Variants in CAMTA1 observed in about 807,000 individuals in gnomAD.
CAMTA1 encodes the protein calmodulin-binding transcription activator 1.
Under a neutral mutation model 170.9 loss-of-function variants are expected in CAMTA1, and 27 were observed. The observed-to-expected ratio is 0.16, with a 90% CI of 0.12 to 0.22. CAMTA1 has a LOEUF of 0.22. CAMTA1 is among the 10% of genes least tolerant of loss of function. The probability of loss-of-function intolerance (pLI) is 1.00; values close to 1 mark genes in which losing one functional copy is unlikely to be tolerated. For synonymous variants in CAMTA1, 833 were observed against 891.5 expected, an observed-to-expected ratio of 0.93 and a Z score of 1.17; for missense variants, 1,619 against 2,217.2, an observed-to-expected ratio of 0.73 and a Z score of 5.42.
At chr1:7,513,938 C>CACACACACAT (rs2094241746) in intron 6 of CAMTA1, among the ~76,000 whole-genome samples, 1 of 76,914 alleles carries the variant, frequency 1.3e-5, no homozygotes. Context: ...CACATACACA[C>CACACACACAT]ACACACACAT....
At chr1:7,080,629 G>A (rs1639877797) in intron 3 of CAMTA1, among the ~76,000 whole-genome samples, 1 of 152,098 alleles carries the variant, frequency 6.6e-6, no homozygotes, top group Admixed American at 6.5e-5. Context: ...CTGCCTTCCA[G>A]GTTCAAGCGA....
rs2095770395 is a variant in CAMTA1 at position 7,642,430 on chromosome 1, G to A, written c.664+1877G>A. On this transcript the variant is annotated intron_variant, in intron 7 of 22. Coordinates refer to ENST00000303635, the MANE Select transcript of CAMTA1 (RefSeq NM_015215.4). The surrounding 1 kb of genome is among the most constrained non-coding windows in gnomAD (Gnocchi z 6.3). ...GCTGCTGAGTGGCACTTTCCCAAGG[G>A]CAGGCCAGAGGCTAGGAGTCTGGGG... Among the ~76,000 whole-genome samples, 1 of 152,176 alleles carries A rather than the reference G, an allele frequency of 6.6e-6. No individual in the cohort carries two copies. Among genetic ancestry groups the A allele is most frequent in the South Asian group, 2.1e-4 (1 of 4,830 alleles).
At chr1:7,170,663 C>T (rs562459845) in intron 4 of CAMTA1, among the ~76,000 whole-genome samples, 5 of 152,204 alleles carry the variant, frequency 3.3e-5, no homozygotes, top group African/African-American at 7.2e-5. Flanking sequence ...TATATGGCTG[C>T]GTAGTATTCC....
At chr1:7,263,088 A>T (rs1486696254) in intron 5 of CAMTA1, among the ~76,000 whole-genome samples, 1 of 149,074 alleles carries the variant, frequency 6.7e-6, no homozygotes, top group Non-Finnish European at 1.5e-5. Context: ...TTTTGGCCGC[A>T]TTTTTTTTTT....
At chr1:7,045,522 A>G (rs978307200) in intron 3 of CAMTA1, among the ~76,000 whole-genome samples, 3 of 152,196 alleles carry the variant, frequency 2.0e-5, no homozygotes, top group Admixed American at 2.0e-4. Context: ...TAAACTTTAT[A>G]TATATCTACA....
chr1:7,030,766 G>T lies in CAMTA1; in HGVS notation c.235-60538G>T, dbSNP rs992562072. Among the ~76,000 whole-genome samples, 7 of 152,010 alleles carry T rather than the reference G, an allele frequency of 4.6e-5. No homozygotes were observed. In the South Asian group the frequency reaches 1.5e-3, roughly 32 times the overall value. On this transcript the variant is annotated intron_variant, in intron 3 of 22. Coordinates refer to ENST00000303635, the MANE Select transcript of CAMTA1 (RefSeq NM_015215.4). ...ATGTGAAAAGAATGTGTATATTGCT[G>T]TTAGAATGTTCTACAAATGTCAACT...
chr1:7,645,869 G>T (rs927731126), intron 7 of CAMTA1, among the ~76,000 whole-genome samples: 1 of 152,274 alleles, frequency 6.6e-6, no homozygotes, highest in Non-Finnish European at 1.5e-5. Flanking sequence ...GTATCCACAG[G>T]CACGAGTGTG....
intron 6 of CAMTA1, among the ~76,000 whole-genome samples, chr1:7,485,965 A>C (rs1444147759): frequency 6.6e-6 from 1 of 152,254 alleles, no homozygotes; most frequent in Non-Finnish European, 1.5e-5. Context: ...CAGAGAGTGC[A>C]CGCTCACAAC....
intron 6 of CAMTA1, among the ~76,000 whole-genome samples, chr1:7,556,824 G>A (rs1177656763): frequency 6.6e-6 from 1 of 152,144 alleles, no homozygotes; most frequent in Non-Finnish European, 1.5e-5. Flanking sequence ...GGATCCAAAA[G>A]GGCCACCCCA....
chr1:6,981,495 TG>T (rs1306534416), intron 3 of CAMTA1, among the ~76,000 whole-genome samples: 1 of 152,188 alleles, frequency 6.6e-6, no homozygotes, highest in Non-Finnish European at 1.5e-5. Flanking sequence ...TGCAGTAGTG[TG>T]ATCATGGCTC....
At chr1:7,514,751 C>G (rs909147620) in intron 6 of CAMTA1, among the ~76,000 whole-genome samples, 1 of 152,130 alleles carries the variant, frequency 6.6e-6, no homozygotes, top group Non-Finnish European at 1.5e-5. Flanking sequence ...CACTGGGCAG[C>G]CTGGTCCTGG....
In CAMTA1 at chr1:7,630,668, G is replaced by A. The variant is rs999443360; in HGVS notation, c.511-9732G>A. 5.3e-5 allele frequency among the ~76,000 whole-genome samples: 8 copies of A among 152,242 alleles called. 1 individual carries two copies. The highest frequency in any genetic ancestry group is 4.6e-4 in the Admixed American group (7 of 15,290). ...CTGACTCCTGCTGGCGCACAGGCTT[G>A]CGTAATGAGGGCAGCCATGGGAAGG... On this transcript the variant is annotated intron_variant, in intron 6 of 22. Transcript: ENST00000303635.
intron 6 of CAMTA1, among the ~76,000 whole-genome samples, chr1:7,490,869 A>G (rs997165373): frequency 1.3e-5 from 2 of 152,204 alleles, no homozygotes; most frequent in African/African-American, 2.4e-5. Context: ...CTTTCCTGGG[A>G]AGACTTTGGG....
chr1:7,354,370 T>C (rs1019150585), intron 5 of CAMTA1, among the ~76,000 whole-genome samples: 3 of 151,178 alleles, frequency 2.0e-5, no homozygotes, highest in African/African-American at 4.9e-5. Context: ...AGGATGGTCT[T>C]GATCTCCCGA....
intron 11 of CAMTA1, among the ~76,000 whole-genome samples, chr1:7,709,220 G>C (rs566305432): frequency 1.9e-4 from 29 of 152,302 alleles, no homozygotes; most frequent in African/African-American, 6.7e-4. Flanking sequence ...GTGCAGAGGG[G>C]CCCCACCTAA....
chr1:7,670,826 G>A, intron 9 of CAMTA1, 85 bp from the exon 10 acceptor site: 1 of 1,490,816 alleles, frequency 6.7e-7, no homozygotes, highest in Non-Finnish European at 9.2e-7. Flanking sequence ...CCCCATCTGA[G>A]CAGTGAAGCC....
chr1:7,646,176 T>C (rs1036264779), intron 7 of CAMTA1, among the ~76,000 whole-genome samples: 3 of 141,548 alleles, frequency 2.1e-5, no homozygotes, highest in Non-Finnish European at 4.6e-5. Context: ...GTGGAGGCCA[T>C]GGTGACTGTG....
At chr1:7,494,566 G>C (rs2093795132) in intron 6 of CAMTA1, among the ~76,000 whole-genome samples, 1 of 152,156 alleles carries the variant, frequency 6.6e-6, no homozygotes, top group Admixed American at 6.5e-5. Flanking sequence ...CACCATGGGA[G>C]GCCAAGGCAG....
At chr1:7,212,973 A>G (rs1351879596) in intron 4 of CAMTA1, among the ~76,000 whole-genome samples, 1 of 152,228 alleles carries the variant, frequency 6.6e-6, no homozygotes, top group Non-Finnish European at 1.5e-5. Context: ...GTGATGTACC[A>G]TAGAATGAAT....
Sources: gnomAD v4.1 joint callset for allele counts (sites outside exome capture counted in the v4.1 genomes callset) on GRCh38, gnomAD v4.1.1 for gene constraint, Gnocchi (gnomAD v3.1) non-coding constraint, MANE v1.5 for transcripts, NCBI Gene and HGNC (gene_info 2026-07-23, HGNC 2026-07-21) for gene names.